The following MYH7B variants were observed in gnomAD, a reference collection of about 807,000 sequenced individuals.
The protein encoded by MYH7B is myosin-7B.
In MYH7B, 205 loss-of-function variants were observed where a neutral mutation model predicts 234.5. The ratio of observed to expected loss-of-function variants is 0.87; its 90% CI spans 0.78 to 0.98. MYH7B has a LOEUF of 0.98. Ranked by LOEUF, MYH7B falls within the 50% of genes least tolerant of loss-of-function variation. MYH7B has a pLI of 0.00. For missense variants in MYH7B, 2,652 were observed against 2,633.4 expected, an observed-to-expected ratio of 1.01 and a Z score of -0.15; for synonymous variants, 1,193 against 1,105.0, an observed-to-expected ratio of 1.08 and a Z score of -1.58.
At chr20:34,973,048 A>G (rs1458428354) in intron 2 of MYH7B, among the ~76,000 whole-genome samples, 1 of 152,224 alleles carries the variant, frequency 6.6e-6, no homozygotes, top group Admixed American at 6.5e-5. Context: ...AAAATAAATA[A>G]ATAAAAATGC....
intron 2 of MYH7B, among the ~76,000 whole-genome samples, chr20:34,967,194 A>G (rs1351627791): frequency 6.6e-6 from 1 of 151,868 alleles, no homozygotes; most frequent in Non-Finnish European, 1.5e-5. Flanking sequence ...ACGCCACTGT[A>G]CTCCAGGCTG....
intron 2 of MYH7B, among the ~76,000 whole-genome samples, chr20:34,969,446 G>A (rs2081772509): frequency 6.6e-6 from 1 of 151,860 alleles, no homozygotes; most frequent in Non-Finnish European, 1.5e-5. Context: ...ACTTCCAAAG[G>A]CAGTCCATCC....
rs1231249513 is a variant in MYH7B at position 34,980,750 on chromosome 20, ACTC to A, written c.499+21_499+23del. 6.2e-7 allele frequency: 1 copy of A among 1,608,198 alleles called. No individual in the cohort carries two copies. Among genetic ancestry groups the A allele is most frequent in the South Asian group, 1.1e-5 (1 of 90,906 alleles). ...ATGCTGCGCAGTAAGGGCCGCCTGG[ACTC>A]CTCCCCAACCGCAGACCCCGACCTC... On this transcript the variant is annotated intron_variant, in intron 8 of 44. Coordinates refer to ENST00000262873, the Ensembl canonical transcript of MYH7B.
exon 33 of MYH7B, chr20:34,998,302 C>A: frequency 1.9e-6 from 3 of 1,613,944 alleles, no homozygotes; most frequent in Non-Finnish European, 2.5e-6. Context: ...TAGGCCAGTG[C>A]AGAGAAGCTG....
intron 27 of MYH7B, 37 bp from the exon 28 acceptor site, chr20:34,995,299 C>T (rs2082233388): frequency 1.9e-6 from 3 of 1,595,886 alleles, no homozygotes; most frequent in Non-Finnish European, 2.6e-6. Context: ...TTTACCTGGC[C>T]CTCCCCCAAC....
chr20:35,001,972 G>A, exon 44 of MYH7B: 2 of 1,613,712 alleles, frequency 1.2e-6, no homozygotes, highest in South Asian at 2.2e-5. Context: ...CACCAACCTG[G>A]CCAAGTATCG....
At position 34,986,872 on chromosome 20, in the gene MYH7B, C is replaced by T. The variant is rs1158806948; in HGVS notation, c.905-14C>T. 1.2e-6 allele frequency: 2 copies of T among 1,607,430 alleles called. No homozygotes were observed. The highest frequency in any genetic ancestry group is 4.5e-5 in the East Asian group (2 of 44,862). ...GCACTGCCTGACCCTCCCTTCTCTG[C>T]CCTGTGTCCCCAGACATGCTGCTTC... On this transcript the variant is annotated splice_polypyrimidine_tract_variant and intron_variant, in intron 14 of 44. Transcript: ENST00000262873.
intron 32 of MYH7B, 135 bp from the exon 33 acceptor site, chr20:34,998,160 T>C: frequency 9.4e-7 from 1 of 1,061,192 alleles, no homozygotes. Flanking sequence ...ACTTTGAACT[T>C]GGGGCTCTGC....
chr20:34,992,182 G>A (rs1028714848), intron 24 of MYH7B, among the ~76,000 whole-genome samples: 1 of 152,116 alleles, frequency 6.6e-6, no homozygotes, highest in Non-Finnish European at 1.5e-5. Context: ...TCAGGAGATC[G>A]AGACCATCCT....
exon 44 of MYH7B, chr20:35,002,055 G>A: frequency 6.2e-7 from 1 of 1,614,034 alleles, no homozygotes; most frequent in Non-Finnish European, 8.5e-7. Context: ...ACAAGCTGCG[G>A]GCACGGACCC....
At chr20:34,963,221 G>T (rs1351625632) in intron 2 of MYH7B, among the ~76,000 whole-genome samples, 3 of 152,266 alleles carry the variant, frequency 2.0e-5, no homozygotes, top group African/African-American at 7.2e-5. Context: ...TTTTCAAGCT[G>T]CAGTTGGTTG....
intron 24 of MYH7B, 106 bp downstream of exon 24, chr20:34,991,227 A>C: frequency 1.2e-6 from 1 of 807,932 alleles, no homozygotes; most frequent in Non-Finnish European, 1.9e-6. Flanking sequence ...TGGAGGGGGA[A>C]GCAGGGACTG....
exon 40 of MYH7B, chr20:35,000,879 A>G: frequency 1.2e-6 from 2 of 1,613,144 alleles, no homozygotes; most frequent in South Asian, 2.2e-5. Flanking sequence ...GAAGGCCAAA[A>G]AGGCCATCAC....
intron 10 of MYH7B, 69 bp from the exon 11 acceptor site, chr20:34,984,623 A>G (rs967801975): frequency 2.8e-6 from 4 of 1,423,794 alleles, no homozygotes; most frequent in Admixed American, 1.9e-5. Context: ...TCCCGCTGAT[A>G]CCCTGCCCCA....
chr20:34,956,890 A>G (rs2081642266), intron 1 of MYH7B, among the ~76,000 whole-genome samples: 1 of 152,164 alleles, frequency 6.6e-6, no homozygotes, highest in Non-Finnish European at 1.5e-5. Context: ...CCCCGTCTCT[A>G]CTAGAAATAC....
At chr20:34,997,579 G>A (rs1385817583) in exon 32 of MYH7B, 4 of 1,613,272 alleles carry the variant, frequency 2.5e-6, no homozygotes, top group Non-Finnish European at 3.4e-6. Flanking sequence ...AAGGAGAAGA[G>A]TGAGCTGCGC....
intron 14 of MYH7B, among the ~76,000 whole-genome samples, chr20:34,986,584 G>A (rs1377919632): frequency 6.6e-6 from 1 of 152,184 alleles, no homozygotes; most frequent in Non-Finnish European, 1.5e-5. Context: ...GCCAGAGGGG[G>A]CCATGAGCAA....
exon 39 of MYH7B, chr20:35,000,350 G>C: frequency 6.3e-7 from 1 of 1,598,150 alleles, no homozygotes; most frequent in Non-Finnish European, 8.5e-7. Context: ...CAGAGACACG[G>C]GCCCGCAATG....
At chr20:35,000,355 G>A (rs1195089508) in exon 39 of MYH7B, 10 of 1,598,432 alleles carry the variant, frequency 6.3e-6, no homozygotes, top group East Asian at 2.2e-5. Context: ...ACACGGGCCC[G>A]CAATGAGGCG....
Sources: allele counts gnomAD v4.1 joint callset (sites outside exome capture counted in the v4.1 genomes callset), GRCh38; gene constraint gnomAD v4.1.1; transcripts MANE v1.5; gene names NCBI Gene and HGNC (gene_info 2026-07-23, HGNC 2026-07-21).